The following TAOK3 variants were observed in gnomAD, a reference collection of about 807,000 sequenced individuals.
TAOK3 encodes the protein TAO kinase 3.
In TAOK3, 40 loss-of-function variants were observed where a neutral mutation model predicts 120.4. The observed-to-expected ratio is 0.33, with a 90% CI of 0.26 to 0.43. TAOK3 has a LOEUF of 0.43. Ranked by LOEUF, TAOK3 falls within the 20% of genes least tolerant of loss-of-function variation. The pLI, the probability that TAOK3 is intolerant of heterozygous loss-of-function variation, is 1.00. For missense variants in TAOK3, 821 were observed against 1,112.1 expected (o/e 0.74, Z 3.72); for synonymous variants, 355 against 387.5 (o/e 0.92, Z 0.99).
At chr12:118,221,938 A>G (rs1276108017) in intron 9 of TAOK3, among the ~76,000 whole-genome samples, 1 of 152,076 alleles carries the variant, frequency 6.6e-6, no homozygotes, top group African/African-American at 2.4e-5. Flanking sequence ...CTGGCAGAAT[A>G]CATATATTCT....
At chr12:118,271,497 G>A (rs1262238267) in intron 1 of TAOK3, among the ~76,000 whole-genome samples, 1 of 152,130 alleles carries the variant, frequency 6.6e-6, no homozygotes, top group African/African-American at 2.4e-5. Flanking sequence ...CCAATGCATA[G>A]CATGAATCAG....
At chr12:118,206,407 T>C (rs1239377346) in intron 11 of TAOK3, among the ~76,000 whole-genome samples, 2 of 152,206 alleles carry the variant, frequency 1.3e-5, no homozygotes, top group East Asian at 3.9e-4. Flanking sequence ...TTAGATAAAG[T>C]GTAGCCTTTT....
chr12:118,291,752 A>C (rs928753020), intron 1 of TAOK3, among the ~76,000 whole-genome samples: 4 of 152,188 alleles, frequency 2.6e-5, no homozygotes, highest in Non-Finnish European at 5.9e-5. Context: ...ACCCCCTTGC[A>C]GTCGGAGTCT....
intron 1 of TAOK3, among the ~76,000 whole-genome samples, chr12:118,317,120 G>C (rs2043496529): frequency 6.6e-6 from 1 of 151,898 alleles, no homozygotes; most frequent in African/African-American, 2.4e-5. Context: ...AAAATTAGCT[G>C]GGTGTGGTGG....
At chr12:118,329,862 A>G (rs950659634) in intron 1 of TAOK3, among the ~76,000 whole-genome samples, 4 of 152,174 alleles carry the variant, frequency 2.6e-5, no homozygotes, top group African/African-American at 9.7e-5. Context: ...TTCCGCCAGG[A>G]CTCAGAAATG....
At chr12:118,244,742 A>T (rs2040414114) in intron 4 of TAOK3, 152 bp downstream of exon 4, 1 of 508,618 alleles carries the variant, frequency 2.0e-6, no homozygotes, top group African/African-American at 2.0e-5. Context: ...GTTAGCCAGG[A>T]TGGTCTCAAT....
At chr12:118,261,090 A>C (rs2041208232) in intron 2 of TAOK3, among the ~76,000 whole-genome samples, 1 of 152,204 alleles carries the variant, frequency 6.6e-6, no homozygotes, top group Non-Finnish European at 1.5e-5. Flanking sequence ...ACTGAACTTG[A>C]AGACACAACA....
intron 1 of TAOK3, among the ~76,000 whole-genome samples, chr12:118,368,764 C>T (rs1194152717): frequency 6.7e-6 from 1 of 149,578 alleles, no homozygotes; most frequent in Non-Finnish European, 1.5e-5. Flanking sequence ...CGAAATCGTG[C>T]CCCTGCACTC....
chr12:118,334,155 A>G (rs7973938), intron 1 of TAOK3, among the ~76,000 whole-genome samples: 8 of 147,704 alleles, frequency 5.4e-5, no homozygotes, highest in Admixed American at 2.0e-4. Context: ...AAAAAAAAAA[A>G]AGAAAAAAGA....
At chr12:118,325,007 A>G (rs932835488) in intron 1 of TAOK3, among the ~76,000 whole-genome samples, 1 of 151,866 alleles carries the variant, frequency 6.6e-6, no homozygotes, top group Non-Finnish European at 1.5e-5. Flanking sequence ...CGGCCTCCCA[A>G]AGTGCTGGGA....
intron 1 of TAOK3, among the ~76,000 whole-genome samples, chr12:118,322,702 TA>T: frequency 6.7e-6 from 1 of 149,014 alleles, no homozygotes; most frequent in African/African-American, 2.5e-5. Context: ...CCCCAAACAT[TA>T]AAAAATTTAA....
intron 2 of TAOK3, among the ~76,000 whole-genome samples, chr12:118,264,271 C>A (rs926585111): frequency 3.3e-5 from 5 of 152,128 alleles, no homozygotes; most frequent in African/African-American, 1.2e-4. Flanking sequence ...AATACAAAGC[C>A]ATGTATACAA....
At chr12:118,246,609 A>G (rs2040520208) in intron 3 of TAOK3, 5 of 1,575,182 alleles carry the variant, frequency 3.2e-6, no homozygotes, top group Non-Finnish European at 3.4e-6. Context: ...CAAGATCGGC[A>G]AGCCCCACAC....
rs753970434 is a variant in TAOK3 at position 118,168,597 on chromosome 12, T to G, written c.1899+3860A>C. 1.6e-4 allele frequency among the ~76,000 whole-genome samples: 24 copies of G among 152,180 alleles called. 1 individual carries two copies. Among genetic ancestry groups the G allele is most frequent in the Non-Finnish European group, 2.9e-5 (2 of 68,028 alleles). ...GAGTTACTTTTGTAAATAAAAAAGC[T>G]TTGAACATTTTCATGAAGGTGGGCT... On this transcript the variant is annotated intron_variant, in intron 17 of 20. Transcript: ENST00000392533.
In TAOK3 at chr12:118,240,662, T is replaced by A. The variant is rs535449793; in HGVS notation, c.295-1390A>T. On this transcript the variant is annotated intron_variant, in intron 5 of 20. Coordinates refer to ENST00000392533, the MANE Select transcript of TAOK3 (RefSeq NM_016281.4). ...CCTGGCCCTTCTTATCCTAGATTTT[T>A]AGGTGCCCAAGACTACTGATTTGTA... 1.2e-3 allele frequency among the ~76,000 whole-genome samples: 183 copies of A among 152,204 alleles called. 2 individuals are homozygous for A. The highest frequency in any genetic ancestry group is 1.8e-3 in the Non-Finnish European group (124 of 67,998).
intron 1 of TAOK3, among the ~76,000 whole-genome samples, chr12:118,310,907 T>C (rs11068904): frequency 0.054 from 8,219 of 152,172 alleles, 458 homozygotes; most frequent in East Asian, 0.25. Flanking sequence ...TCATAAGACA[T>C]TTTGCAACTA....
At chr12:118,218,076 G>A (rs984715150) in intron 9 of TAOK3, among the ~76,000 whole-genome samples, 4 of 150,658 alleles carry the variant, frequency 2.7e-5, no homozygotes, top group African/African-American at 9.7e-5. Context: ...TAGCCAGGAT[G>A]GTCTCGATTT....
intron 1 of TAOK3, among the ~76,000 whole-genome samples, chr12:118,290,980 C>A (rs532670059): frequency 6.7e-6 from 1 of 150,084 alleles, no homozygotes; most frequent in African/African-American, 2.5e-5. Context: ...CTCTGCCTCT[C>A]GAGTAGCTGG....
chr12:118,317,027 C>G (rs1305331829), intron 1 of TAOK3, among the ~76,000 whole-genome samples: 1 of 151,904 alleles, frequency 6.6e-6, no homozygotes, highest in Non-Finnish European at 1.5e-5. Context: ...ATTTGGGAGG[C>G]CAAGGTGGGT....
Sources: allele counts gnomAD v4.1 joint callset (sites outside exome capture counted in the v4.1 genomes callset), GRCh38; gene constraint gnomAD v4.1.1; transcripts MANE v1.5; gene names NCBI Gene and HGNC (gene_info 2026-07-23, HGNC 2026-07-21).